The following GPR158 variants were observed in gnomAD, a reference collection of about 807,000 sequenced individuals.
The protein encoded by GPR158 is metabotropic glycine receptor.
Under a neutral mutation model 78.2 loss-of-function variants are expected in GPR158, and 30 were observed. That is an observed-to-expected ratio of 0.38 (90% CI 0.29 to 0.52). The LOEUF (loss-of-function observed/expected upper bound fraction) is 0.52. GPR158 is among the 20% of genes least tolerant of loss of function. GPR158 has a pLI of 0.83. For synonymous variants in GPR158, 581 were observed against 591.1 expected, an observed-to-expected ratio of 0.98 and a Z score of 0.25; for missense variants, 1,463 against 1,523.5, an observed-to-expected ratio of 0.96 and a Z score of 0.66.
intron 5 of GPR158, among the ~76,000 whole-genome samples, chr10:25,514,899 A>G (rs1836140087): frequency 6.6e-6 from 1 of 151,920 alleles, no homozygotes; most frequent in South Asian, 2.1e-4. Flanking sequence ...AACTTGATAG[A>G]TTTTCCTTTA....
At chr10:25,370,418 T>G (rs7478594) in intron 2 of GPR158, among the ~76,000 whole-genome samples, 3,687 of 30,876 alleles carry the variant, frequency 0.12, 662 homozygotes, top group Middle Eastern at 0.2. Context: ...CCTTCATTTC[T>G]TTATGTACCC....
chr10:25,279,903 G>A (rs1485117582), intron 2 of GPR158, among the ~76,000 whole-genome samples: 1 of 151,502 alleles, frequency 6.6e-6, no homozygotes, highest in Non-Finnish European at 1.5e-5. Flanking sequence ...CCACTGGGCT[G>A]TACCACTAGC....
chr10:25,275,252 C>A (rs889946305), intron 2 of GPR158, among the ~76,000 whole-genome samples: 5 of 152,172 alleles, frequency 3.3e-5, no homozygotes, highest in African/African-American at 1.2e-4. Context: ...TTATCACAAT[C>A]ATCTGGGGAA....
At chr10:25,238,572 CTG>C (rs1448881309) in intron 2 of GPR158, among the ~76,000 whole-genome samples, 4 of 152,098 alleles carry the variant, frequency 2.6e-5, no homozygotes, top group Non-Finnish European at 4.4e-5. Flanking sequence ...TATGATAACT[CTG>C]TGACTCCACA....
At position 25,257,705 on chromosome 10, in the gene GPR158, C is replaced by A. The variant is rs1853909135; in HGVS notation, c.1008+36548C>A. ...CATTCTGCTTACTAAATATAAGTCA[C>A]TTTGTATTCATATTATATCATTAAC... On this transcript the variant is annotated intron_variant, in intron 2 of 10. Transcript: ENST00000376351. Among the ~76,000 whole-genome samples, 4 of 152,112 alleles carry A rather than the reference C, an allele frequency of 2.6e-5. No homozygotes were observed. The South Asian group carries it at 8.3e-4, about 31-fold the overall frequency.
chr10:25,175,536 C>T lies in GPR158; in HGVS notation c.116C>T (p.Thr39Ile), dbSNP rs371970423. The T allele has an allele frequency of 5.0e-6, 8 of 1,612,102 alleles. No individual in the cohort carries two copies. The African/African-American group carries it at 9.3e-5, about 19-fold the overall frequency. ...QGRPDSPRER[T>I]PKGKPHAQQP... is the part of the protein sequence containing the mutation. ...CGGCCGGATTCCCCTCGAGAGAGGACCCCGAAGGGGAAGCCGCACGCCCAG... is the reference window on the plus strand; with the variant it reads ...CGGCCGGATTCCCCTCGAGAGAGGATCCCGAAGGGGAAGCCGCACGCCCAG... The change falls in exon 1 of 11, where the codon ACC becomes ATC. Residue 39 changes from threonine (T) to isoleucine (I), a missense_variant. Thr to Ile is a moderately conservative substitution (Grantham distance 89, BLOSUM62 -1). Coordinates refer to ENST00000376351, the MANE Select transcript of GPR158 (RefSeq NM_020752.3). This position sits in a 1 kb window ranked among gnomAD's most constrained non-coding sequence, Gnocchi z 6.4.
intron 1 of GPR158, among the ~76,000 whole-genome samples, chr10:25,194,662 T>C (rs1358570707): frequency 3.3e-5 from 5 of 151,904 alleles, no homozygotes; most frequent in African/African-American, 7.3e-5. Flanking sequence ...TAGTGAAGAG[T>C]AGTCACAATC....
intron 2 of GPR158, among the ~76,000 whole-genome samples, chr10:25,286,405 C>T (rs893091387): frequency 6.6e-6 from 1 of 152,008 alleles, no homozygotes; most frequent in Non-Finnish European, 1.5e-5. Context: ...TGTTACTGTG[C>T]TTTTCACTAT....
At chr10:25,322,877 C>T (rs755597082) in intron 2 of GPR158, among the ~76,000 whole-genome samples, 16 of 151,998 alleles carry the variant, frequency 1.1e-4, no homozygotes, top group South Asian at 4.1e-4. Context: ...GATGGAGTCT[C>T]GCTCTGTCAC....
chr10:25,190,428 G>T (rs1463190838), intron 1 of GPR158, among the ~76,000 whole-genome samples: 1 of 152,020 alleles, frequency 6.6e-6, no homozygotes, highest in East Asian at 1.9e-4. Context: ...AACCTCCCAG[G>T]TTCAAGTGAT....
intron 2 of GPR158, among the ~76,000 whole-genome samples, chr10:25,360,302 G>A (rs1173465783): frequency 1.3e-5 from 2 of 152,162 alleles, no homozygotes; most frequent in African/African-American, 4.8e-5. Context: ...TGCTTTTGGT[G>A]TTTTAGTCAT....
At chr10:25,272,438 C>T (rs1854129980) in intron 2 of GPR158, among the ~76,000 whole-genome samples, 1 of 152,114 alleles carries the variant, frequency 6.6e-6, no homozygotes, top group African/African-American at 2.4e-5. Context: ...ATCTCCTCTG[C>T]TTCCCTCTCC....
rs10634150 is a variant in GPR158 at position 25,422,628 on chromosome 10, C to CAAAAAAA, written c.1335+10162_1335+10168dup. On this transcript the variant is annotated intron_variant, in intron 4 of 10. Transcript: ENST00000376351. ...TATTGTTCTCTTTTCATTGTATTTG[C>CAAAAAAA]AAAAAAAAAAAAATGTGACATATAC... Among the ~76,000 whole-genome samples the CAAAAAAA allele has an allele frequency of 1.4e-5, 2 of 143,208 alleles. 1 individual carries two copies. Among genetic ancestry groups the CAAAAAAA allele is most frequent in the Non-Finnish European group, 3.0e-5 (2 of 65,910 alleles). The allele number at this position is 143,208 out of a possible 152,430, so 94.0% of individuals were successfully genotyped here.
chr10:25,234,093 A>G (rs1853490702), intron 2 of GPR158, among the ~76,000 whole-genome samples: 1 of 152,204 alleles, frequency 6.6e-6, no homozygotes, highest in Admixed American at 6.5e-5. Context: ...GATACTCAGG[A>G]ATTTTCAAGA....
chr10:25,246,013 G>T (rs1853684578), intron 2 of GPR158, among the ~76,000 whole-genome samples: 1 of 152,184 alleles, frequency 6.6e-6, no homozygotes, highest in African/African-American at 2.4e-5. Flanking sequence ...AGCAGGAAGG[G>T]CTGCTATTGG....
At chr10:25,186,186 C>T (rs1004229996) in intron 1 of GPR158, among the ~76,000 whole-genome samples, 1 of 152,132 alleles carries the variant, frequency 6.6e-6, no homozygotes, top group African/African-American at 2.4e-5. Flanking sequence ...AGAACAAAGA[C>T]ACAACATATC....
intron 2 of GPR158, among the ~76,000 whole-genome samples, chr10:25,372,611 A>G (rs1237934306): frequency 6.8e-6 from 1 of 146,646 alleles, no homozygotes; most frequent in Non-Finnish European, 1.5e-5. Context: ...CGCAAGAACA[A>G]AAAACCAAAC....
intron 2 of GPR158, among the ~76,000 whole-genome samples, chr10:25,263,283 A>C (rs889684737): frequency 3.3e-5 from 5 of 152,104 alleles, no homozygotes; most frequent in African/African-American, 1.2e-4. Context: ...GTTTTTTGAA[A>C]AGCCTGCTTT....
intron 1 of GPR158, among the ~76,000 whole-genome samples, chr10:25,187,847 C>T (rs1380421959): frequency 6.6e-6 from 1 of 152,182 alleles, no homozygotes; most frequent in Non-Finnish European, 1.5e-5. Flanking sequence ...CAAATTGTCC[C>T]TGTTTGCAGA....
Sources: gnomAD v4.1 joint callset for allele counts (sites outside exome capture counted in the v4.1 genomes callset) on GRCh38, gnomAD v4.1.1 for gene constraint, Gnocchi (gnomAD v3.1) non-coding constraint, MANE v1.5 for transcripts, NCBI Gene and HGNC (gene_info 2026-07-23, HGNC 2026-07-21) for gene names.